Variants in SBF2 observed in about 807,000 individuals in gnomAD.
The protein encoded by SBF2 is SET binding factor 2, also known as myotubularin-related protein 13.
SBF2 carries 112 observed loss-of-function variants against 225.2 expected under a neutral mutation model. The observed-to-expected ratio is 0.50, with a 90% CI of 0.43 to 0.58. The LOEUF (loss-of-function observed/expected upper bound fraction) is 0.58, where lower values mean the gene tolerates loss of function less well. Among genes scored for constraint, SBF2 ranks in the 20% least tolerant of loss-of-function variants. The probability of loss-of-function intolerance (pLI) is 0.00; values close to 1 mark genes in which losing one functional copy is unlikely to be tolerated. For synonymous variants in SBF2, 763 were observed against 773.3 expected, an observed-to-expected ratio of 0.99 and a Z score of 0.22; for missense variants, 1,996 against 2,206.2, an observed-to-expected ratio of 0.90 and a Z score of 1.91.
At chr11:10,103,313 C>T (rs1440595133) in intron 2 of SBF2, among the ~76,000 whole-genome samples, 2 of 151,940 alleles carry the variant, frequency 1.3e-5, no homozygotes, top group East Asian at 1.9e-4. Flanking sequence ...CCTCTAAAGA[C>T]CAAAAACGAC....
chr11:10,222,644 T>G (rs180688338), intron 1 of SBF2, among the ~76,000 whole-genome samples: 1 of 152,142 alleles, frequency 6.6e-6, no homozygotes, highest in African/African-American at 2.4e-5. Context: ...GCACATACAA[T>G]GCTAAAAGAT....
chr11:9,840,992 C>T (rs996906787), intron 25 of SBF2, among the ~76,000 whole-genome samples: 3 of 151,214 alleles, frequency 2.0e-5, no homozygotes, highest in Non-Finnish European at 1.5e-5. Flanking sequence ...TAAAAACTGT[C>T]CTAATTTACT....
At chr11:10,011,002 T>C (rs1294105390) in intron 6 of SBF2, among the ~76,000 whole-genome samples, 1 of 152,190 alleles carries the variant, frequency 6.6e-6, no homozygotes, top group Non-Finnish European at 1.5e-5. Flanking sequence ...TTGTAACAAT[T>C]GTGAATGGGA....
intron 19 of SBF2, among the ~76,000 whole-genome samples, 170 bp downstream of exon 19, chr11:9,856,288 G>GA (rs1857308206): frequency 6.6e-6 from 1 of 152,216 alleles, no homozygotes; most frequent in Admixed American, 6.5e-5. Flanking sequence ...ATAGTAGGAT[G>GA]AAGTGAATCT....
chr11:9,890,974 A>G (rs141300784), intron 17 of SBF2, among the ~76,000 whole-genome samples: 176 of 152,166 alleles, frequency 1.2e-3, no homozygotes, highest in African/African-American at 4.0e-3. Context: ...TCTCTACGGT[A>G]AAAATGCAAA....
chr11:10,189,174 T>C (rs1345424047), intron 2 of SBF2, among the ~76,000 whole-genome samples: 5 of 152,228 alleles, frequency 3.3e-5, no homozygotes, highest in East Asian at 1.9e-4. Context: ...CCTATCTTTA[T>C]TCTAAATAAT....
intron 16 of SBF2, among the ~76,000 whole-genome samples, chr11:9,938,829 T>C (rs1224437354): frequency 6.6e-6 from 1 of 151,696 alleles, no homozygotes. Context: ...ACTGAAAATA[T>C]AGAGGTTATT....
At chr11:9,923,506 TTA>T (rs1863792817) in intron 16 of SBF2, among the ~76,000 whole-genome samples, 3 of 152,208 alleles carry the variant, frequency 2.0e-5, no homozygotes, top group African/African-American at 7.2e-5. Flanking sequence ...CGGCCACTGT[TTA>T]CTACATTTGT....
intron 2 of SBF2, among the ~76,000 whole-genome samples, chr11:10,098,669 G>T (rs936561820): frequency 1.7e-5 from 2 of 119,704 alleles, no homozygotes; most frequent in Non-Finnish European, 3.4e-5. Context: ...AATCAACAAA[G>T]ACAAAAAATG....
At chr11:10,199,541 G>A (rs1037314291) in intron 1 of SBF2, among the ~76,000 whole-genome samples, 4 of 152,068 alleles carry the variant, frequency 2.6e-5, no homozygotes, top group Non-Finnish European at 5.9e-5. Context: ...CATAATATCT[G>A]TAAGGCACAA....
intron 13 of SBF2, among the ~76,000 whole-genome samples, chr11:9,986,251 A>T (rs1388467292): frequency 6.6e-6 from 1 of 152,148 alleles, no homozygotes; most frequent in Admixed American, 6.5e-5. Flanking sequence ...TAATGACACA[A>T]CCTATCAAAA....
At chr11:10,113,674 A>T (rs1161792345) in intron 2 of SBF2, among the ~76,000 whole-genome samples, 1 of 152,132 alleles carries the variant, frequency 6.6e-6, no homozygotes. Flanking sequence ...CATTAGGTAG[A>T]GATGTGTGGT....
chr11:10,214,503 G>A (rs753907755), intron 1 of SBF2, among the ~76,000 whole-genome samples: 23 of 152,218 alleles, frequency 1.5e-4, no homozygotes, highest in South Asian at 6.2e-4. Context: ...CGCGCCTGTA[G>A]TCCCAGCTAC....
rs546268865 is a variant in SBF2 at position 10,162,893 on chromosome 11, G to A, written c.141+31009C>T. On this transcript the variant is annotated intron_variant, in intron 2 of 39. Transcript: ENST00000256190. ...CCAGTCTGACAGCATTCCTCAGACT[G>A]TCCCTTTCATCTGGAAATTTCCCAA... 5.5e-4 allele frequency among the ~76,000 whole-genome samples: 83 copies of A among 152,256 alleles called. 1 individual carries two copies. The highest frequency in any genetic ancestry group is 5.9e-5 in the Non-Finnish European group (4 of 68,006).
intron 2 of SBF2, among the ~76,000 whole-genome samples, chr11:10,162,187 T>A (rs1318100310): frequency 1.3e-5 from 2 of 150,644 alleles, no homozygotes; most frequent in Non-Finnish European, 3.0e-5. Flanking sequence ...ACCTTGTCTT[T>A]TTTTTTTTTT....
intron 2 of SBF2, among the ~76,000 whole-genome samples, chr11:10,184,903 T>G (rs534812613): frequency 1.3e-5 from 2 of 152,172 alleles, no homozygotes; most frequent in Non-Finnish European, 2.9e-5. Flanking sequence ...ATTTTTTGTA[T>G]TTTTAGTAGA....
chr11:10,160,531 A>G (rs369417753), intron 2 of SBF2, among the ~76,000 whole-genome samples: 2 of 152,216 alleles, frequency 1.3e-5, no homozygotes, highest in African/African-American at 2.4e-5. Flanking sequence ...ACGGCAGTAC[A>G]TACACCACAA....
chr11:9,987,295 A>G (rs1947241886), intron 13 of SBF2, among the ~76,000 whole-genome samples: 1 of 152,168 alleles, frequency 6.6e-6, no homozygotes, highest in African/African-American at 2.4e-5. Context: ...AAAGCCATCT[A>G]TAACAAACCC....
At chr11:9,983,516 G>C (rs554278515) in intron 13 of SBF2, among the ~76,000 whole-genome samples, 1 of 152,196 alleles carries the variant, frequency 6.6e-6, no homozygotes, top group East Asian at 1.9e-4. Context: ...GAAGACAAAG[G>C]GCATATTATC....
Sources: allele counts gnomAD v4.1 joint callset (sites outside exome capture counted in the v4.1 genomes callset), GRCh38; gene constraint gnomAD v4.1.1; transcripts MANE v1.5; gene names NCBI Gene and HGNC (gene_info 2026-07-23, HGNC 2026-07-21).